The following SLC16A9 variants were observed in gnomAD, a reference collection of about 807,000 sequenced individuals.
SLC16A9 encodes the protein solute carrier family 16 member 9.
Under a neutral mutation model 44.3 loss-of-function variants are expected in SLC16A9, and 26 were observed. The ratio of observed to expected loss-of-function variants is 0.59; its 90% CI spans 0.43 to 0.81. The LOEUF (loss-of-function observed/expected upper bound fraction) is 0.81. Ranked by LOEUF, SLC16A9 falls within the 40% of genes least tolerant of loss-of-function variation. The pLI is 0.00. For missense variants in SLC16A9, 559 were observed against 595.8 expected, an observed-to-expected ratio of 0.94 and a Z score of 0.64; for synonymous variants, 230 against 225.1, an observed-to-expected ratio of 1.02 and a Z score of -0.19.
In SLC16A9 at chr10:59,654,477, G is replaced by A; in HGVS notation, c.549C>T (p.Ala183=). 1 of 1,612,790 alleles carries A rather than the reference G, an allele frequency of 6.2e-7. No individual in the cohort carries two copies. The highest frequency in any genetic ancestry group is 1.1e-5 in the South Asian group (1 of 91,086). The stretch of plus-strand genomic sequence containing the variant: ...GGAGGGGTCTCATCAGACTGCCACA[G>A]GCTAATATATTTAAAGCTAAAGCAC... ...IVGALALNIL[A]CGSLMRPLQS... Residue 183 remains alanine (A), a synonymous_variant, in exon 5 of 6, where the codon GCC becomes GCT. Coordinates refer to ENST00000395348, the MANE Select transcript of SLC16A9 (RefSeq NM_194298.3).
At chr10:59,681,339 C>G (rs1321136019) in intron 2 of SLC16A9, among the ~76,000 whole-genome samples, 1 of 151,550 alleles carries the variant, frequency 6.6e-6, no homozygotes, top group African/African-American at 2.4e-5. Flanking sequence ...AAGAGGATAA[C>G]ATCAAATACA....
At chr10:59,708,023 A>G (rs1200171286) in intron 1 of SLC16A9, among the ~76,000 whole-genome samples, 1 of 152,196 alleles carries the variant, frequency 6.6e-6, no homozygotes, top group Admixed American at 6.5e-5. Context: ...TACACAAAAA[A>G]TGGAAGAAAC....
chr10:59,678,836 C>T (rs1411963433), intron 2 of SLC16A9, among the ~76,000 whole-genome samples: 2 of 151,938 alleles, frequency 1.3e-5, no homozygotes, highest in Non-Finnish European at 2.9e-5. Context: ...AGCCACCGCG[C>T]CCGGCCACCA....
chr10:59,683,024 C>T (rs1468078890), intron 2 of SLC16A9, among the ~76,000 whole-genome samples: 2 of 152,090 alleles, frequency 1.3e-5, no homozygotes, highest in African/African-American at 4.8e-5. Context: ...AAGACATCCC[C>T]TTTACAATTC....
intron 2 of SLC16A9, among the ~76,000 whole-genome samples, chr10:59,678,963 A>G (rs1022160617): frequency 6.6e-6 from 1 of 152,174 alleles, no homozygotes; most frequent in African/African-American, 2.4e-5. Context: ...GCCCAAACCC[A>G]GCTCTGCCAG....
chr10:59,655,626 C>T (rs1839333026), intron 4 of SLC16A9, among the ~76,000 whole-genome samples: 1 of 152,140 alleles, frequency 6.6e-6, no homozygotes, highest in Admixed American at 6.5e-5. Context: ...CTTTTTAGCA[C>T]TGATCACACT....
intron 2 of SLC16A9, among the ~76,000 whole-genome samples, chr10:59,682,923 G>C (rs1564706569): frequency 6.6e-6 from 1 of 151,780 alleles, no homozygotes; most frequent in Non-Finnish European, 1.5e-5. Context: ...ATCTGACATA[G>C]CAAGATGATC....
intron 3 of SLC16A9, 49 bp from the exon 4 acceptor site, chr10:59,664,371 T>C (rs201783869): frequency 9.8e-6 from 13 of 1,327,166 alleles, no homozygotes; most frequent in Admixed American, 5.9e-5. Context: ...ATTACTTCAA[T>C]GCAAGAGAAA....
At chr10:59,697,007 GC>G (rs1210805751) in intron 1 of SLC16A9, among the ~76,000 whole-genome samples, 3 of 104,596 alleles carry the variant, frequency 2.9e-5, no homozygotes, top group Non-Finnish European at 4.1e-5. Context: ...CGCCCGGCCA[GC>G]CGCCCCGTCC....
At chr10:59,702,669 C>G (rs567806877) in intron 1 of SLC16A9, among the ~76,000 whole-genome samples, 2 of 152,328 alleles carry the variant, frequency 1.3e-5, no homozygotes, top group South Asian at 4.1e-4. Flanking sequence ...CCCAGCCAGT[C>G]AAATCCAAGA....
intron 4 of SLC16A9, among the ~76,000 whole-genome samples, chr10:59,655,035 T>C (rs1839318586): frequency 6.6e-6 from 1 of 152,166 alleles, no homozygotes; most frequent in Non-Finnish European, 1.5e-5. Flanking sequence ...CTCAGGCCTG[T>C]AATCCCAGCA....
chr10:59,656,596 C>T (rs959262027), intron 4 of SLC16A9, among the ~76,000 whole-genome samples: 12 of 152,006 alleles, frequency 7.9e-5, no homozygotes, highest in Admixed American at 2.0e-4. Context: ...GGATTTTTTT[C>T]CCCCAGGGTA....
chr10:59,668,740 C>CT (rs1839680294), intron 3 of SLC16A9, among the ~76,000 whole-genome samples: 1 of 152,190 alleles, frequency 6.6e-6, no homozygotes, highest in African/African-American at 2.4e-5. Flanking sequence ...TATTGGTATA[C>CT]TTTTTTCATT....
At chr10:59,666,871 C>CAAAAAAAAAAAA (rs34639816) in intron 3 of SLC16A9, among the ~76,000 whole-genome samples, 1 of 114,956 alleles carries the variant, frequency 8.7e-6, no homozygotes, top group African/African-American at 3.2e-5. Flanking sequence ...TATTTTCCAG[C>CAAAAAAAAAAAA]AAAAAAAAAA....
intron 1 of SLC16A9, among the ~76,000 whole-genome samples, chr10:59,684,614 C>G (rs1840093819): frequency 6.6e-6 from 1 of 152,078 alleles, no homozygotes; most frequent in East Asian, 1.9e-4. Flanking sequence ...CCACCCTGCT[C>G]AACCACAGAG....
At chr10:59,664,427 G>A in intron 3 of SLC16A9, 105 bp from the exon 4 acceptor site, 1 of 645,158 alleles carries the variant, frequency 1.6e-6, no homozygotes, top group Non-Finnish European at 2.6e-6. Context: ...TTACTCACTG[G>A]CTAAAACTGT....
At position 59,651,497 on chromosome 10, in the gene SLC16A9, T is replaced by C. The variant is rs1460728109; in HGVS notation, c.*1275A>G. 1 of 152,188 alleles carries C rather than the reference T, an allele frequency of 6.6e-6. No individual in the cohort carries two copies. The highest frequency in any genetic ancestry group is 1.5e-5 in the Non-Finnish European group (1 of 68,046). 9.4% of individuals were successfully genotyped at this position (152,188 alleles called of 1,614,324 possible). ...TCACTTGAAGAGCTCAGTAAAATTA[T>C]AGATGTTTGGGCAACAGCCTACACC... is the stretch of plus-strand genomic sequence containing the variant. On this transcript the variant is annotated 3_prime_UTR_variant, in exon 6 of 6. Coordinates refer to ENST00000395348, the MANE Select transcript of SLC16A9 (RefSeq NM_194298.3).
At chr10:59,664,343 C>A in intron 3 of SLC16A9, 21 bp from the exon 4 acceptor site, 1 of 1,540,068 alleles carries the variant, frequency 6.5e-7, no homozygotes, top group Admixed American at 1.8e-5. Flanking sequence ...GAAGACATTG[C>A]ATAAATTAAG....
chr10:59,658,966 G>C (rs1030682990), intron 4 of SLC16A9, among the ~76,000 whole-genome samples: 2 of 152,056 alleles, frequency 1.3e-5, no homozygotes, highest in African/African-American at 4.8e-5. Flanking sequence ...ACCTTCCAGG[G>C]TTACCCACCT....
Sources: gnomAD v4.1 joint callset for allele counts (sites outside exome capture counted in the v4.1 genomes callset) on GRCh38, gnomAD v4.1.1 for gene constraint, MANE v1.5 for transcripts, NCBI Gene and HGNC (gene_info 2026-07-23, HGNC 2026-07-21) for gene names.